The following KDM1B variants were observed in gnomAD, a reference collection of about 807,000 sequenced individuals.
KDM1B encodes lysine-specific histone demethylase 2.
In KDM1B, 63 loss-of-function variants were observed where a neutral mutation model predicts 107.4. That is an observed-to-expected ratio of 0.59 (90% CI 0.48 to 0.72). KDM1B has a LOEUF of 0.72. KDM1B is among the 30% of genes least tolerant of loss of function. KDM1B has a pLI of 0.00. For synonymous variants in KDM1B, 363 were observed against 363.9 expected (o/e 1.00, Z 0.03); for missense variants, 749 against 1,020.8 (o/e 0.73, Z 3.63).
chr6:18,156,566 T>G (rs1319501936), intron 2 of KDM1B, among the ~76,000 whole-genome samples: 1 of 152,186 alleles, frequency 6.6e-6, no homozygotes, highest in Non-Finnish European at 1.5e-5. Context: ...ATTATTTGCC[T>G]TGCTGGGAGA....
rs1582207797 is a variant in KDM1B at position 18,212,179 on chromosome 6, A to T, written c.1867-309A>T. 1.1e-5 allele frequency: 3 copies of T among 270,496 alleles called. No individual in the cohort carries two copies. The highest frequency in any genetic ancestry group is 6.6e-5 in the African/African-American group (3 of 45,278). 16.8% of individuals were successfully genotyped at this position (270,496 alleles called of 1,614,324 possible). ...AGGCTGGTCTTGAACTCCTGACCTC[A>T]GGTGATCCACCCGCCTCGGCCTCTC... is the stretch of plus-strand genomic sequence containing the variant. On this transcript the variant is annotated intron_variant, in intron 17 of 21. Coordinates refer to ENST00000650836, the MANE Select transcript of KDM1B (RefSeq NM_001364614.2). This position sits in a 1 kb window ranked among gnomAD's most constrained non-coding sequence, Gnocchi z 5.2.
At chr6:18,217,997 T>G (rs377651232) in intron 21 of KDM1B, 112 bp downstream of exon 21, 1 of 1,176,446 alleles carries the variant, frequency 8.5e-7, no homozygotes, top group African/African-American at 1.5e-5. Flanking sequence ...AAAAGTCTTA[T>G]GACCACAGAC....
intron 20 of KDM1B, among the ~76,000 whole-genome samples, chr6:18,216,020 CA>C (rs1464444282): frequency 1.3e-5 from 2 of 152,060 alleles, no homozygotes; most frequent in Non-Finnish European, 2.9e-5. Flanking sequence ...TGAAATGACT[CA>C]AAAGTTATGT....
intron 3 of KDM1B, among the ~76,000 whole-genome samples, chr6:18,160,737 C>CAA (rs71536775): frequency 5.3e-5 from 7 of 131,440 alleles, no homozygotes; most frequent in African/African-American, 2.0e-4. Flanking sequence ...GACTCTGTCT[C>CAA]AAAAAAAAAA....
At chr6:18,178,922 A>G (rs1026193763) in intron 7 of KDM1B, among the ~76,000 whole-genome samples, 8 of 152,158 alleles carry the variant, frequency 5.3e-5, no homozygotes, top group African/African-American at 1.4e-4. Context: ...TTGCCTTACT[A>G]CATTGGTCAG....
chr6:18,202,677 A>ATG (rs1363265416), intron 14 of KDM1B, among the ~76,000 whole-genome samples: 6 of 152,166 alleles, frequency 3.9e-5, no homozygotes, highest in Non-Finnish European at 5.9e-5. Context: ...CTTCAACTGT[A>ATG]TGTTTCTTTG....
chr6:18,164,203 C>A (rs574232114), intron 5 of KDM1B, among the ~76,000 whole-genome samples: 3 of 152,252 alleles, frequency 2.0e-5, no homozygotes, highest in South Asian at 4.1e-4. Flanking sequence ...TCTGGACTCA[C>A]TGTAACTTCC....
chr6:18,169,005 G>T (rs1303668119), intron 6 of KDM1B, among the ~76,000 whole-genome samples: 1 of 151,826 alleles, frequency 6.6e-6, no homozygotes, highest in Non-Finnish European at 1.5e-5. Context: ...CTGAGCAGCT[G>T]GGATTATAGG....
chr6:18,162,791 A>G lies in KDM1B; in HGVS notation c.216-44A>G, dbSNP rs1227821887. 4.5e-6 allele frequency: 5 copies of G among 1,099,162 alleles called. No homozygotes were observed. The highest frequency in any genetic ancestry group is 5.6e-6 in the Non-Finnish European group (4 of 713,798). 68.1% of individuals were successfully genotyped at this position (1,099,162 alleles called of 1,614,324 possible). On this transcript the variant is annotated intron_variant, in intron 4 of 21. Coordinates refer to ENST00000650836, the MANE Select transcript of KDM1B (RefSeq NM_001364614.2). The surrounding 1 kb of genome is among the most constrained non-coding windows in gnomAD (Gnocchi z 4.1). ...TGTTTTTTAAAAAATGGGAGGAGAAATGTTTATTCATTACCAAAGCTATAT... is the reference window on the plus strand; with the variant it reads ...TGTTTTTTAAAAAATGGGAGGAGAAGTGTTTATTCATTACCAAAGCTATAT...
intron 7 of KDM1B, 89 bp from the exon 8 acceptor site, chr6:18,185,683 T>G (rs906174426): frequency 8.7e-7 from 1 of 1,153,156 alleles, no homozygotes; most frequent in Admixed American, 1.7e-5. Flanking sequence ...GCCTGATAGG[T>G]GAAAAGAGAT....
At chr6:18,198,595 G>A (rs1327121967) in intron 12 of KDM1B, among the ~76,000 whole-genome samples, 5 of 125,074 alleles carry the variant, frequency 4.0e-5, no homozygotes, top group East Asian at 5.2e-4. Flanking sequence ...CCAAGATTGC[G>A]CCACTGCACT....
chr6:18,191,628 A>G lies in KDM1B; in HGVS notation c.969+247A>G, dbSNP rs966491668. On this transcript the variant is annotated intron_variant, in intron 10 of 21. Transcript: ENST00000650836. This position sits in a 1 kb window ranked among gnomAD's most constrained non-coding sequence, Gnocchi z 5.1. ...CCACCTGTGAAAACCAAATACGTCT[A>G]TAGACATTTCCAAATGGGGACAGAA... Among the ~76,000 whole-genome samples the G allele has an allele frequency of 2.0e-5, 3 of 152,202 alleles. No homozygotes were observed. The highest frequency in any genetic ancestry group is 2.4e-5 in the African/African-American group (1 of 41,442).
intron 7 of KDM1B, among the ~76,000 whole-genome samples, chr6:18,183,330 C>T (rs998666354): frequency 2.2e-5 from 3 of 135,978 alleles, no homozygotes; most frequent in Non-Finnish European, 4.6e-5. Flanking sequence ...TGCAATGGCG[C>T]AGTCTCGGCT....
chr6:18,195,112 G>A lies in KDM1B; in HGVS notation c.970-1945G>A, dbSNP rs776680545. On this transcript the variant is annotated intron_variant, in intron 10 of 21. Coordinates refer to ENST00000650836, the MANE Select transcript of KDM1B (RefSeq NM_001364614.2). ...TCAAGGTTTATCCATGTTGTAGCAC[G>A]TCAGAACTTCACTCACTTTTATAGC... is the stretch of plus-strand genomic sequence containing the variant. Among the ~76,000 whole-genome samples, 6 of 152,126 alleles carry A rather than the reference G, an allele frequency of 3.9e-5. No individual in the cohort carries two copies. In the South Asian group the frequency reaches 6.2e-4, roughly 16 times the overall value.
chr6:18,162,987 T>G lies in KDM1B; in HGVS notation c.305+63T>G. ...GGGACCGTGGCAGGGGCAGTGCGTG[T>G]GGTCAGCTGATTAAAGCTTAGTCTC... On this transcript the variant is annotated intron_variant, in intron 5 of 21. Coordinates refer to ENST00000650836, the MANE Select transcript of KDM1B (RefSeq NM_001364614.2). This position sits in a 1 kb window ranked among gnomAD's most constrained non-coding sequence, Gnocchi z 4.1. 1.0e-6 allele frequency: 1 copy of G among 964,588 alleles called. No individual in the cohort carries two copies. 59.8% of individuals were successfully genotyped at this position (964,588 alleles called of 1,614,324 possible).
chr6:18,159,394 GT>G lies in KDM1B; in HGVS notation c.-13-486del, dbSNP rs1356868711. Among the ~76,000 whole-genome samples the G allele has an allele frequency of 6.6e-6, 1 of 152,128 alleles. No homozygotes were observed. The highest frequency in any genetic ancestry group is 6.5e-5 in the Admixed American group (1 of 15,268). Reference sequence around the variant, plus strand: ...CATTGAATTTTATAAACATAGTGTGGTTTGTTTATTGGTCATTCATGTGGCA... The same window carrying G: ...CATTGAATTTTATAAACATAGTGTGGTTGTTTATTGGTCATTCATGTGGCA... On this transcript the variant is annotated intron_variant, in intron 2 of 21. Coordinates refer to ENST00000650836, the MANE Select transcript of KDM1B (RefSeq NM_001364614.2). The surrounding 1 kb of genome is among the most constrained non-coding windows in gnomAD (Gnocchi z 4.5).
Position 18,217,745 on chromosome 6 carries a change from C to A in KDM1B, c.2245C>A (p.Pro749Thr). ...CTATTGGACATAGGAGGTCCCAGAT[C>A]CCACAAAGTATTTTGTCACTCGGTG... ...ELFKEQEVPD[P>T]TKYFVTRWST... is the part of the protein sequence containing the mutation. Residue 749 changes from proline to threonine, a missense_variant, in exon 21 of 22, where the codon CCC becomes ACC. Physicochemically the swap from Pro to Thr is conservative, Grantham distance 38 (BLOSUM62 -1). Coordinates refer to ENST00000650836, the MANE Select transcript of KDM1B (RefSeq NM_001364614.2). 1 of 1,611,750 alleles carries A rather than the reference C, an allele frequency of 6.2e-7. No individual in the cohort carries two copies. The highest frequency in any genetic ancestry group is 8.5e-7 in the Non-Finnish European group (1 of 1,179,332).
chr6:18,200,685 C>T lies in KDM1B; in HGVS notation c.1359+109C>T. 1 of 896,842 alleles carries T rather than the reference C, an allele frequency of 1.1e-6. No individual in the cohort carries two copies. Among genetic ancestry groups the T allele is most frequent in the Non-Finnish European group, 1.6e-6 (1 of 611,002 alleles). 55.6% of individuals were successfully genotyped at this position (896,842 alleles called of 1,614,324 possible). A position where few individuals can be genotyped will look rare whatever the true frequency, so the allele number is the denominator to read the frequency against. ...AAAGTAAATTACATATAACAGCCCC[C>T]TCATCTCCTATGCAAAGCAGTAAGA... is the stretch of plus-strand genomic sequence containing the variant. On this transcript the variant is annotated intron_variant, in intron 13 of 21. Coordinates refer to ENST00000650836, the MANE Select transcript of KDM1B (RefSeq NM_001364614.2). The surrounding 1 kb of genome is among the most constrained non-coding windows in gnomAD (Gnocchi z 4.3).
intron 20 of KDM1B, among the ~76,000 whole-genome samples, chr6:18,217,473 G>A (rs1329534090): frequency 6.6e-6 from 1 of 151,476 alleles, no homozygotes; most frequent in Non-Finnish European, 1.5e-5. Context: ...CCGCCTCCTG[G>A]GTTCACGCCA....
Sources: allele counts gnomAD v4.1 joint callset (sites outside exome capture counted in the v4.1 genomes callset), GRCh38; gene constraint gnomAD v4.1.1; non-coding constraint Gnocchi (gnomAD v3.1); transcripts MANE v1.5; gene names NCBI Gene and HGNC (gene_info 2026-07-23, HGNC 2026-07-21).